The following EPRS1 variants were observed in gnomAD, a reference collection of about 807,000 sequenced individuals.
EPRS1 encodes glutamyl-prolyl-tRNA synthetase 1.
EPRS1 carries 107 observed loss-of-function variants against 188.3 expected under a neutral mutation model. The ratio of observed to expected loss-of-function variants is 0.57; its 90% CI spans 0.49 to 0.67. EPRS1 has a LOEUF of 0.67. Ranked by LOEUF, EPRS1 falls within the 30% of genes least tolerant of loss-of-function variation. EPRS1 has a pLI of 0.00. For synonymous variants in EPRS1, 596 were observed against 593.1 expected, an observed-to-expected ratio of 1.00 and a Z score of -0.07; for missense variants, 1,577 against 1,802.2, an observed-to-expected ratio of 0.88 and a Z score of 2.26.
intron 1 of EPRS1, among the ~76,000 whole-genome samples, chr1:220,044,681 CAAAAAAAAAAAAAAAAAA>C (rs71560597): frequency 0.014 from 1,218 of 88,408 alleles, 21 homozygotes; most frequent in Non-Finnish European, 0.015. Flanking sequence ...GCTCGGTCTC[CAAAAAAAAAAAAAAAAAA>C]AAAAAAAAAA....
intron 17 of EPRS1, among the ~76,000 whole-genome samples, chr1:220,000,813 T>C (rs1298773205): frequency 6.6e-6 from 1 of 152,106 alleles, no homozygotes; most frequent in Non-Finnish European, 1.5e-5. Flanking sequence ...AAAGCCTGTC[T>C]CTACTAAAAA....
chr1:220,006,091 T>C lies in EPRS1; in HGVS notation c.1950+15A>G, dbSNP rs751713240. 3.4e-6 allele frequency: 5 copies of C among 1,456,016 alleles called. No homozygotes were observed. The South Asian group carries it at 5.7e-5, about 16-fold the overall frequency. The allele number at this position is 1,456,016 out of a possible 1,614,324, so 90.2% of individuals were successfully genotyped here. ...AAAATTTAAAAGGTGAAATATGGTT[T>C]CTTTGGAAGGTTACCTTACTGTTCT... On this transcript the variant is annotated intron_variant, in intron 15 of 31. Coordinates refer to ENST00000366923, the MANE Select transcript of EPRS1 (RefSeq NM_004446.3).
intron 6 of EPRS1, among the ~76,000 whole-genome samples, chr1:220,026,187 G>A (rs555280910): frequency 1.3e-5 from 2 of 152,138 alleles, no homozygotes; most frequent in African/African-American, 2.4e-5. Flanking sequence ...ATGTCACGGA[G>A]ATTAAAAATA....
intron 18 of EPRS1, among the ~76,000 whole-genome samples, chr1:219,994,462 G>T (rs950499916): frequency 2.0e-5 from 3 of 151,662 alleles, no homozygotes; most frequent in African/African-American, 7.3e-5. Context: ...GTTTCAATTA[G>T]AAGTGTTTGG....
chr1:220,014,094 G>T (rs1454259132), intron 12 of EPRS1, among the ~76,000 whole-genome samples: 1 of 152,148 alleles, frequency 6.6e-6, no homozygotes, highest in Admixed American at 6.5e-5. Context: ...TTGGTAGGCC[G>T]AAGTGGGCGG....
intron 9 of EPRS1, among the ~76,000 whole-genome samples, chr1:220,021,034 T>C (rs1661869895): frequency 6.6e-6 from 1 of 151,516 alleles, no homozygotes; most frequent in African/African-American, 2.4e-5. Context: ...TGCGCCACCA[T>C]GCCCCGCTAA....
At position 219,988,693 on chromosome 1, in the gene EPRS1, G is replaced by C; in HGVS notation, c.2672C>G (p.Ser891Cys). Residue 891 changes from serine to cysteine, a missense_variant, in exon 19 of 32, where the codon TCT becomes TGT. Ser to Cys is a moderately radical substitution (Grantham distance 112). This residue lies in a region of EPRS1 where 1,278 missense variants were observed against 1,457.4 expected (regional missense o/e 0.88). Transcript: ENST00000366923. ...TGGTGTTTCTAAACCAGCAGGTTCAGAATTTCTGGTTGGGCTTGAATCCGA... is the reference window on the plus strand; with the variant it reads ...TGGTGTTTCTAAACCAGCAGGTTCACAATTTCTGGTTGGGCTTGAATCCGA... ...QSSDSSPTRN[S>C]EPAGLETPEA... 1 of 1,613,966 alleles carries C rather than the reference G, an allele frequency of 6.2e-7. No individual in the cohort carries two copies. Among genetic ancestry groups the C allele is most frequent in the Non-Finnish European group, 8.5e-7 (1 of 1,179,852 alleles).
intron 6 of EPRS1, among the ~76,000 whole-genome samples, chr1:220,028,463 A>G (rs74139280): frequency 2.8e-5 from 1 of 35,530 alleles, no homozygotes; most frequent in African/African-American, 3.8e-4. Context: ...ACACACACAC[A>G]CGCGCACACA....
Position 220,046,379 on chromosome 1 carries a change from G to A in EPRS1, c.10C>T (p.Leu4Phe), listed in dbSNP as rs371044909. MAT[L>F]SLTVNSGDPP... ...TCTCCTGAATTCACGGTCAGAGAGA[G>A]CGTCGCCATCTCCACCAGTCCGCTG... Residue 4 changes from leucine to phenylalanine, a missense_variant, in exon 1 of 32, where the codon CTC becomes TTC. Physicochemically the swap from Leu to Phe is conservative, Grantham distance 22. This residue lies in a region of EPRS1 where 1,278 missense variants were observed against 1,457.4 expected (regional missense o/e 0.88). Transcript: ENST00000366923. 3.4e-4 allele frequency: 546 copies of A among 1,614,116 alleles called. 2 individuals are homozygous for A. In the South Asian group the frequency reaches 5.7e-3, roughly 17 times the overall value.
chr1:220,030,596 TAGA>T (rs1300233616), intron 5 of EPRS1, 116 bp from the exon 6 acceptor site: 15 of 711,516 alleles, frequency 2.1e-5, no homozygotes, highest in Middle Eastern at 2.4e-4. Context: ...ATATGATGAC[TAGA>T]ACATCATCCC....
intron 18 of EPRS1, among the ~76,000 whole-genome samples, chr1:219,990,333 A>G (rs1661096433): frequency 6.6e-6 from 1 of 152,096 alleles, no homozygotes; most frequent in Non-Finnish European, 1.5e-5. Flanking sequence ...AAATTATACT[A>G]ATCACCACTA....
chr1:220,044,681 CAAAAAAAAAA>C (rs71560597), intron 1 of EPRS1, among the ~76,000 whole-genome samples: 48 of 88,348 alleles, frequency 5.4e-4, no homozygotes, highest in African/African-American at 1.6e-3. Flanking sequence ...GCTCGGTCTC[CAAAAAAAAAA>C]AAAAAAAAAA....
At position 220,001,124 on chromosome 1, in the gene EPRS1, G is replaced by T. The variant is rs139646889; in HGVS notation, c.2181+14C>A. ...ACCATTTATTTTTATACACATATCCGTAAAAGTCATTACCTCATTTTTTGT... is the reference window on the plus strand; with the variant it reads ...ACCATTTATTTTTATACACATATCCTTAAAAGTCATTACCTCATTTTTTGT... On this transcript the variant is annotated intron_variant, in intron 17 of 31. Transcript: ENST00000366923. 2.1e-6 allele frequency: 3 copies of T among 1,416,220 alleles called. No individual in the cohort carries two copies. Among genetic ancestry groups the T allele is most frequent in the Non-Finnish European group, 3.0e-6 (3 of 999,532 alleles). 87.7% of individuals were successfully genotyped at this position (1,416,220 alleles called of 1,614,324 possible).
At chr1:219,985,516 C>T (rs185340911) in intron 20 of EPRS1, among the ~76,000 whole-genome samples, 1 of 152,112 alleles carries the variant, frequency 6.6e-6, no homozygotes, top group African/African-American at 2.4e-5. Flanking sequence ...CCTCAGCCCC[C>T]CTCCCCCACC....
chr1:220,015,030 T>C (rs796794225), intron 12 of EPRS1, among the ~76,000 whole-genome samples: 7 of 152,060 alleles, frequency 4.6e-5, no homozygotes, highest in African/African-American at 1.2e-4. Context: ...GGTGGGAAGA[T>C]AAAAATTAAG....
At chr1:220,024,487 A>T (rs781485769) in intron 7 of EPRS1, 31 bp from the exon 8 acceptor site, 1 of 1,524,100 alleles carries the variant, frequency 6.6e-7, no homozygotes, top group East Asian at 2.3e-5. Flanking sequence ...AACCATCAGT[A>T]TATCTTTTGC....
intron 12 of EPRS1, among the ~76,000 whole-genome samples, chr1:220,011,515 C>T (rs1325706471): frequency 6.6e-6 from 1 of 152,104 alleles, no homozygotes; most frequent in African/African-American, 2.4e-5. Flanking sequence ...ACATCACCAT[C>T]AAAAGCAGAA....
At position 219,980,176 on chromosome 1, in the gene EPRS1, T is replaced by G; in HGVS notation, c.3620A>C (p.Lys1207Thr). 1 of 1,613,324 alleles carries G rather than the reference T, an allele frequency of 6.2e-7. No homozygotes were observed. The highest frequency in any genetic ancestry group is 8.5e-7 in the Non-Finnish European group (1 of 1,179,380). Residue 1207 changes from lysine to threonine, a missense_variant, in exon 26 of 32, where the codon AAA becomes ACA. This residue lies in a region of EPRS1 where 1,278 missense variants were observed against 1,457.4 expected (regional missense o/e 0.88). Coordinates refer to ENST00000366923, the MANE Select transcript of EPRS1 (RefSeq NM_004446.3). ...TTTTTCCTTTTCCGTCTTTCTTCCT[T>G]TAACAACAGGAATTGCCAGGAGTTC... ...YEELLAIPVV[K>T]GRKTEKEKFA...
chr1:220,027,074 G>A (rs1661988232), intron 6 of EPRS1, among the ~76,000 whole-genome samples: 1 of 151,530 alleles, frequency 6.6e-6, no homozygotes, highest in South Asian at 2.1e-4. Flanking sequence ...GGCAGATCAC[G>A]AGGTCAGGAG....
Sources: allele counts gnomAD v4.1 joint callset (sites outside exome capture counted in the v4.1 genomes callset), GRCh38; gene constraint gnomAD v4.1.1; regional missense constraint gnomAD v4.1.1; transcripts MANE v1.5; gene names NCBI Gene and HGNC (gene_info 2026-07-23, HGNC 2026-07-21).